Variants in CIMIP6 observed in about 807,000 individuals in gnomAD.
CIMIP6 encodes the protein uncharacterized protein C2orf73.
At chr2:54,374,127 G>A in the CIMIP6 span, among the ~76,000 whole-genome samples, 14 of 152,236 alleles carry the variant, frequency 9.2e-5, no homozygotes, top group African/African-American at 9.6e-5. Flanking sequence ...AGCCTGTACC[G>A]TACTGTGCAG....
At chr2:54,355,521 T>C in the CIMIP6 span, among the ~76,000 whole-genome samples, 44,717 of 152,036 alleles carry the variant, frequency 0.29, 7,376 homozygotes, top group Non-Finnish European at 0.38. Flanking sequence ...CTTTCTTTAA[T>C]TCTTGGATAT....
chr2:54,352,059 A>T, the CIMIP6 span, among the ~76,000 whole-genome samples: 8 of 152,134 alleles, frequency 5.3e-5, no homozygotes, highest in Non-Finnish European at 1.0e-4. Flanking sequence ...ATATTTTAAT[A>T]CTGTTTATAA....
At chr2:54,371,612 T>C in the CIMIP6 span, among the ~76,000 whole-genome samples, 1 of 152,208 alleles carries the variant, frequency 6.6e-6, no homozygotes, top group Non-Finnish European at 1.5e-5. Context: ...ACACCTGCTG[T>C]TGCAGTTCTC....
the CIMIP6 span, among the ~76,000 whole-genome samples, chr2:54,380,776 T>C: frequency 7.9e-4 from 120 of 152,324 alleles, no homozygotes; most frequent in African/African-American, 2.6e-3. Flanking sequence ...TACGCATGAT[T>C]ACACCCATGC....
At chr2:54,362,520 G>A in the CIMIP6 span, among the ~76,000 whole-genome samples, 35 of 152,004 alleles carry the variant, frequency 2.3e-4, no homozygotes, top group African/African-American at 7.7e-4. Context: ...TGGATCTATC[G>A]TCTATGTCTC....
chr2:54,331,037 C>G, the CIMIP6 span: 1 of 1,611,606 alleles, frequency 6.2e-7, no homozygotes, highest in East Asian at 2.2e-5. Flanking sequence ...TTTCCCTTTC[C>G]AAAAACTATT....
the CIMIP6 span, among the ~76,000 whole-genome samples, chr2:54,356,928 C>T: frequency 0.29 from 43,610 of 151,912 alleles, 7,185 homozygotes; most frequent in Non-Finnish European, 0.38. Flanking sequence ...AAACTGTGTC[C>T]GCACATACTA....
chr2:54,379,255 T>C, the CIMIP6 span, among the ~76,000 whole-genome samples: 1 of 152,202 alleles, frequency 6.6e-6, no homozygotes, highest in Non-Finnish European at 1.5e-5. Context: ...TGGCTGCCCC[T>C]AACAATGCCT....
At chr2:54,360,378 A>C in the CIMIP6 span, 1 of 1,609,778 alleles carries the variant, frequency 6.2e-7, no homozygotes, top group South Asian at 1.1e-5. Context: ...TGCCAACAAA[A>C]TTCTCAGGAG....
At chr2:54,334,930 G>A in the CIMIP6 span, 1 of 1,594,672 alleles carries the variant, frequency 6.3e-7, no homozygotes, top group South Asian at 1.1e-5. Context: ...GTTGGAAGAG[G>A]ACGTATATAT....
At chr2:54,334,345 G>A in the CIMIP6 span, among the ~76,000 whole-genome samples, 1 of 152,082 alleles carries the variant, frequency 6.6e-6, no homozygotes, top group Non-Finnish European at 1.5e-5. Context: ...TGCTCCTTTG[G>A]TAGCTTTAAG....
chr2:54,340,076 C>T, the CIMIP6 span, among the ~76,000 whole-genome samples: 1,517 of 74,148 alleles, frequency 0.02, 561 homozygotes, highest in Admixed American at 0.12. Flanking sequence ...CCCCGTCATC[C>T]GGAATCTCCA....
chr2:54,356,682 A>G, the CIMIP6 span, among the ~76,000 whole-genome samples: 1 of 152,150 alleles, frequency 6.6e-6, no homozygotes, highest in African/African-American at 2.4e-5. Flanking sequence ...ACTGCCCTTA[A>G]TTTTCACAAT....
At chr2:54,344,318 TTCC>T in the CIMIP6 span, among the ~76,000 whole-genome samples, 3 of 152,202 alleles carry the variant, frequency 2.0e-5, no homozygotes, top group Non-Finnish European at 2.9e-5. Flanking sequence ...ATTCCCTGCC[TTCC>T]AAGACCCTAT....
At chr2:54,331,841 G>T in the CIMIP6 span, among the ~76,000 whole-genome samples, 4 of 152,178 alleles carry the variant, frequency 2.6e-5, no homozygotes, top group Non-Finnish European at 5.9e-5. Flanking sequence ...CTCTTCCAAA[G>T]CCTGTATTTT....
the CIMIP6 span, chr2:54,330,894 C>G: frequency 2.8e-6 from 4 of 1,409,898 alleles, no homozygotes; most frequent in East Asian, 2.3e-5. Context: ...ACAGTCGCCG[C>G]GCTTTGCGCA....
the CIMIP6 span, among the ~76,000 whole-genome samples, chr2:54,348,923 C>T: frequency 6.6e-6 from 1 of 152,218 alleles, no homozygotes; most frequent in Non-Finnish European, 1.5e-5. Context: ...GGCTGCCATC[C>T]ACAGTCAGTT....
chr2:54,370,789 T>G, the CIMIP6 span, among the ~76,000 whole-genome samples: 1 of 152,220 alleles, frequency 6.6e-6, no homozygotes, highest in Non-Finnish European at 1.5e-5. Flanking sequence ...GACGTTCTCC[T>G]GAACTTCCTG....
chr2:54,352,744 T>A, the CIMIP6 span, among the ~76,000 whole-genome samples: 1 of 152,296 alleles, frequency 6.6e-6, no homozygotes, highest in Non-Finnish European at 1.5e-5. Flanking sequence ...CCTACGCACA[T>A]CTTCCCATAT....
Sources: allele counts gnomAD v4.1 joint callset (sites outside exome capture counted in the v4.1 genomes callset), GRCh38; gene constraint gnomAD v4.1.1; transcripts MANE v1.5; gene names NCBI Gene and HGNC (gene_info 2026-07-23, HGNC 2026-07-21).